Variants in SYT1 observed in about 807,000 individuals in gnomAD.
The protein encoded by SYT1 is synaptotagmin 1.
SYT1 carries 8 observed loss-of-function variants against 44.8 expected under a neutral mutation model. That is an observed-to-expected ratio of 0.18 (90% confidence interval 0.10 to 0.32). The LOEUF (loss-of-function observed/expected upper bound fraction) is 0.32. Among genes scored for constraint, SYT1 ranks in the 10% least tolerant of loss-of-function variants. The pLI, the probability that SYT1 is intolerant of heterozygous loss-of-function variation, is 1.00. For missense variants in SYT1, 286 were observed against 509.3 expected (o/e 0.56, Z 4.22); for synonymous variants, 154 against 188.8 (o/e 0.82, Z 1.51).
chr12:79,370,718 G>C (rs914027202), intron 9 of SYT1, among the ~76,000 whole-genome samples: 2 of 151,938 alleles, frequency 1.3e-5, no homozygotes, highest in Admixed American at 6.6e-5. Flanking sequence ...AGCAGAGATC[G>C]CGCCACTGCA....
At chr12:78,869,175 G>A (rs1001841719) in intron 1 of SYT1, among the ~76,000 whole-genome samples, 1 of 151,650 alleles carries the variant, frequency 6.6e-6, no homozygotes, top group Non-Finnish European at 1.5e-5. Flanking sequence ...TCTCCACTAA[G>A]TGTTTCCATT....
At chr12:79,359,134 G>T (rs561791154) in intron 9 of SYT1, among the ~76,000 whole-genome samples, 1 of 152,320 alleles carries the variant, frequency 6.6e-6, no homozygotes, top group South Asian at 2.1e-4. Context: ...AGGGTAAAAA[G>T]TGTGCAGTTC....
At chr12:78,873,633 G>A (rs1237525486) in intron 1 of SYT1, among the ~76,000 whole-genome samples, 1 of 151,594 alleles carries the variant, frequency 6.6e-6, no homozygotes, top group Non-Finnish European at 1.5e-5. Context: ...CATAAGTGTT[G>A]TAGCTTTATC....
At chr12:79,400,156 G>A (rs148423647) in intron 9 of SYT1, among the ~76,000 whole-genome samples, 9 of 152,068 alleles carry the variant, frequency 5.9e-5, no homozygotes, top group East Asian at 1.9e-4. Flanking sequence ...CTTCCTACTC[G>A]GCTTTCTCAC....
chr12:79,441,940 A>AT (rs1055195464), intron 9 of SYT1, among the ~76,000 whole-genome samples: 4 of 152,310 alleles, frequency 2.6e-5, no homozygotes, highest in African/African-American at 9.6e-5. Flanking sequence ...CCTTTTTTAA[A>AT]TTACCCTATT....
chr12:78,883,861 T>C (rs1874593202), intron 1 of SYT1, among the ~76,000 whole-genome samples: 1 of 151,690 alleles, frequency 6.6e-6, no homozygotes, highest in Non-Finnish European at 1.5e-5. Flanking sequence ...CTTCTGTAAA[T>C]ATATTCAATG....
intron 4 of SYT1, among the ~76,000 whole-genome samples, chr12:79,262,195 T>C (rs1322084974): frequency 1.3e-5 from 2 of 152,224 alleles, no homozygotes; most frequent in South Asian, 2.1e-4. Context: ...GCCTTTTTTT[T>C]CCTTATACTT....
chr12:79,221,449 T>C (rs1875154432), intron 4 of SYT1, among the ~76,000 whole-genome samples: 1 of 152,124 alleles, frequency 6.6e-6, no homozygotes, highest in South Asian at 2.1e-4. Context: ...ATTAATTGTT[T>C]TGTAGTTATT....
At chr12:78,901,170 A>G (rs1430383501) in intron 1 of SYT1, among the ~76,000 whole-genome samples, 1 of 152,102 alleles carries the variant, frequency 6.6e-6, no homozygotes, top group African/African-American at 2.4e-5. Context: ...TTAATGATTT[A>G]ATGTGTCATG....
chr12:79,437,427 T>G (rs1322373406), intron 9 of SYT1, among the ~76,000 whole-genome samples: 1 of 152,096 alleles, frequency 6.6e-6, no homozygotes, highest in Non-Finnish European at 1.5e-5. Flanking sequence ...TGGCTCCAAA[T>G]TTTTAGGTCT....
intron 3 of SYT1, among the ~76,000 whole-genome samples, chr12:79,054,607 T>G (rs941699302): frequency 2.0e-5 from 3 of 151,982 alleles, no homozygotes; most frequent in Admixed American, 6.6e-5. Flanking sequence ...GGAAATTCAT[T>G]CCTTTATCCT....
At chr12:79,286,072 C>G (rs1879300928) in intron 5 of SYT1, 101 bp downstream of exon 5, 2 of 1,325,230 alleles carry the variant, frequency 1.5e-6, no homozygotes, top group Non-Finnish European at 2.0e-6. Flanking sequence ...ACTTCTGGAC[C>G]CATATCGTTT....
chr12:79,045,783 T>A (rs1171210442), intron 2 of SYT1: 1 of 152,256 alleles, frequency 6.6e-6, no homozygotes, highest in African/African-American at 2.4e-5. Context: ...TCAAAAACAC[T>A]GTTTAATTCT....
intron 5 of SYT1, among the ~76,000 whole-genome samples, chr12:79,288,796 CT>C (rs1365707899): frequency 1.3e-5 from 2 of 152,050 alleles, no homozygotes; most frequent in Non-Finnish European, 2.9e-5. Flanking sequence ...CTTCTATGTC[CT>C]TATCTGTGTT....
chr12:79,344,484 G>A (rs780583924), intron 8 of SYT1, among the ~76,000 whole-genome samples: 3 of 152,136 alleles, frequency 2.0e-5, no homozygotes, highest in African/African-American at 4.8e-5. Context: ...ACAGGGTCTC[G>A]CTCTGTCTCC....
chr12:79,127,131 G>A (rs954369988), intron 3 of SYT1, among the ~76,000 whole-genome samples: 16 of 152,218 alleles, frequency 1.1e-4, no homozygotes, highest in African/African-American at 3.9e-4. Context: ...ATCTTCCACT[G>A]AAAGCAGACA....
chr12:78,884,686 A>T (rs1874637410), intron 1 of SYT1, among the ~76,000 whole-genome samples: 1 of 151,252 alleles, frequency 6.6e-6, no homozygotes, highest in Non-Finnish European at 1.5e-5. Flanking sequence ...ATTATATTTA[A>T]TATATCTTTG....
chr12:79,335,390 CTT>C (rs72071132), intron 8 of SYT1, among the ~76,000 whole-genome samples: 8,773 of 137,672 alleles, frequency 0.064, 304 homozygotes, highest in African/African-American at 0.1. Flanking sequence ...TTCTCTGATG[CTT>C]TTTTTTTTTT....
chr12:79,120,002 G>A lies in SYT1; in HGVS notation c.-18+72640G>A, dbSNP rs576518426. On this transcript the variant is annotated intron_variant, in intron 3 of 10. Transcript: ENST00000261205. The stretch of plus-strand genomic sequence containing the variant: ...TGCTGTGGAACAACAGGATCCAAGA[G>A]ACTGAGGGAGCCAATCAAGCTTAAC... Among the ~76,000 whole-genome samples the A allele has an allele frequency of 8.7e-4, 133 of 152,222 alleles. 1 individual carries two copies. The highest frequency in any genetic ancestry group is 8.4e-4 in the Non-Finnish European group (57 of 68,022).
Sources: allele counts gnomAD v4.1 joint callset (sites outside exome capture counted in the v4.1 genomes callset), GRCh38; gene constraint gnomAD v4.1.1; transcripts MANE v1.5; gene names NCBI Gene and HGNC (gene_info 2026-07-23, HGNC 2026-07-21).